The following AKAP19 variants were observed in gnomAD, a reference collection of about 807,000 sequenced individuals.
The protein encoded by AKAP19 is A-kinase anchoring protein 19.
At chr2:190,149,017 G>C in the AKAP19 span, among the ~76,000 whole-genome samples, 2 of 148,550 alleles carry the variant, frequency 1.3e-5, no homozygotes, top group Admixed American at 1.3e-4. Flanking sequence ...AGGCTGGAGT[G>C]CAATGGCACG....
At chr2:190,174,779 A>G in the AKAP19 span, among the ~76,000 whole-genome samples, 1 of 152,252 alleles carries the variant, frequency 6.6e-6, no homozygotes, top group South Asian at 2.1e-4. Flanking sequence ...GTAAGCAAAT[A>G]AAAGTTGGCC....
the AKAP19 span, among the ~76,000 whole-genome samples, chr2:190,121,946 G>A: frequency 6.6e-6 from 1 of 152,128 alleles, no homozygotes; most frequent in Non-Finnish European, 1.5e-5. Context: ...TGATGAATGA[G>A]AACTTCTTTG....
At chr2:189,897,531 G>T in the AKAP19 span, among the ~76,000 whole-genome samples, 8 of 152,018 alleles carry the variant, frequency 5.3e-5, no homozygotes, top group African/African-American at 1.9e-4. Context: ...ACAATAATAA[G>T]AACATTTTGG....
chr2:189,998,783 T>TTTTC, the AKAP19 span, among the ~76,000 whole-genome samples: 1 of 143,456 alleles, frequency 7.0e-6, no homozygotes, highest in Non-Finnish European at 1.5e-5. Context: ...TTTTTTTTTT[T>TTTTC]TTTTTTTGAT....
chr2:189,975,946 G>C, the AKAP19 span, among the ~76,000 whole-genome samples: 1 of 152,270 alleles, frequency 6.6e-6, no homozygotes, highest in East Asian at 1.9e-4. Context: ...CTTTAGCTCA[G>C]AGAAGTTTGA....
chr2:189,912,521 A>G, the AKAP19 span, among the ~76,000 whole-genome samples: 1 of 152,194 alleles, frequency 6.6e-6, no homozygotes, highest in Non-Finnish European at 1.5e-5. Context: ...AGCCCGGGCA[A>G]CAGAGCGAAA....
the AKAP19 span, chr2:190,062,725 A>T: frequency 3.7e-6 from 3 of 810,260 alleles, no homozygotes; most frequent in South Asian, 1.8e-5. Context: ...CACACCAGTG[A>T]ATCTTTTATA....
the AKAP19 span, among the ~76,000 whole-genome samples, chr2:189,981,157 T>C: frequency 6.6e-6 from 1 of 152,270 alleles, no homozygotes; most frequent in Non-Finnish European, 1.5e-5. Flanking sequence ...CTCTTAGGTC[T>C]AGCAGTATTT....
the AKAP19 span, chr2:190,150,237 T>G: frequency 1.3e-5 from 2 of 152,324 alleles, no homozygotes; most frequent in Non-Finnish European, 2.9e-5. Flanking sequence ...CCAGGAGGCT[T>G]CTCACCCCAT....
the AKAP19 span, among the ~76,000 whole-genome samples, chr2:190,195,932 T>C: frequency 6.9e-6 from 1 of 144,266 alleles, no homozygotes; most frequent in Admixed American, 7.4e-5. Flanking sequence ...GTTTAAGAAC[T>C]GTGTCCAGCT....
chr2:190,062,535 A>G, the AKAP19 span: 1 of 1,613,326 alleles, frequency 6.2e-7, no homozygotes, highest in Non-Finnish European at 8.5e-7. Flanking sequence ...ATTTAGATCC[A>G]CTGGACCAGC....
the AKAP19 span, chr2:189,923,802 G>A: frequency 1.2e-6 from 2 of 1,611,892 alleles, no homozygotes; most frequent in South Asian, 2.2e-5. Flanking sequence ...TCACAAAGGG[G>A]CATAAGTGGC....
At chr2:190,181,260 G>A in the AKAP19 span, 124 of 586,350 alleles carry the variant, frequency 2.1e-4, no homozygotes, top group African/African-American at 2.3e-3. Flanking sequence ...GCCAGCTGCC[G>A]TGGATAGAGC....
the AKAP19 span, chr2:189,923,688 A>C: frequency 6.2e-7 from 1 of 1,613,824 alleles, no homozygotes; most frequent in Non-Finnish European, 8.5e-7. Flanking sequence ...TTTCAACGGG[A>C]CTATTATGAT....
At chr2:190,144,186 GA>G in the AKAP19 span, among the ~76,000 whole-genome samples, 45 of 145,322 alleles carry the variant, frequency 3.1e-4, no homozygotes, top group African/African-American at 5.6e-4. Flanking sequence ...GAAAAGAAAA[GA>G]AAAAAAATAT....
At chr2:190,022,625 C>T in the AKAP19 span, among the ~76,000 whole-genome samples, 61 of 152,088 alleles carry the variant, frequency 4.0e-4, no homozygotes, top group Non-Finnish European at 1.2e-4. Context: ...GATAGGTGAA[C>T]TTGGGCAAGC....
the AKAP19 span, chr2:190,181,174 A>C: frequency 1.0e-6 from 1 of 984,488 alleles, no homozygotes; most frequent in Non-Finnish European, 1.2e-6. Context: ...TTTGCTTGTC[A>C]GCTGTGCCTT....
At chr2:190,196,564 C>T in the AKAP19 span, among the ~76,000 whole-genome samples, 2 of 148,288 alleles carry the variant, frequency 1.3e-5, no homozygotes, top group Non-Finnish European at 1.5e-5. Context: ...GATTTTCCTG[C>T]CTCTTTGTAT....
the AKAP19 span, among the ~76,000 whole-genome samples, chr2:189,956,587 A>T: frequency 6.8e-6 from 1 of 147,912 alleles, no homozygotes; most frequent in African/African-American, 2.5e-5. Flanking sequence ...GAACATATTA[A>T]TTTTTTTTTG....
Sources: allele counts gnomAD v4.1 joint callset (sites outside exome capture counted in the v4.1 genomes callset), GRCh38; gene constraint gnomAD v4.1.1; transcripts MANE v1.5; gene names NCBI Gene and HGNC (gene_info 2026-07-23, HGNC 2026-07-21).